Variants in MACF1 observed in about 807,000 individuals in gnomAD.
MACF1 encodes the protein microtubule-actin cross-linking factor 1.
Under a neutral mutation model 854.8 loss-of-function variants are expected in MACF1, and 193 were observed. That is an observed-to-expected ratio of 0.23 (90% CI 0.20 to 0.25). The LOEUF (loss-of-function observed/expected upper bound fraction) is 0.25. MACF1 is among the 10% of genes least tolerant of loss of function. The probability of loss-of-function intolerance (pLI) is 1.00; values close to 1 mark genes in which losing one functional copy is unlikely to be tolerated. For synonymous variants in MACF1, 3,185 were observed against 3,226.7 expected (o/e 0.99, Z 0.44); for missense variants, 7,722 against 8,929.1 (o/e 0.86, Z 5.45).
intron 98 of MACF1, 165 bp downstream of exon 98, chr1:39,480,174 C>T (rs1021567762): frequency 4.2e-6 from 2 of 476,084 alleles, no homozygotes; most frequent in African/African-American, 1.9e-5. Flanking sequence ...CAAGACTGCC[C>T]TGTTCCTAGC....
At chr1:39,186,230 G>A (rs867835855) in intron 2 of MACF1, among the ~76,000 whole-genome samples, 26 of 129,096 alleles carry the variant, frequency 2.0e-4, no homozygotes, top group African/African-American at 6.2e-4. Context: ...GTGTGTGTGT[G>A]TGTGTGTGTG....
chr1:39,376,377 T>G (rs1330834684), intron 52 of MACF1, among the ~76,000 whole-genome samples: 3 of 152,256 alleles, frequency 2.0e-5, no homozygotes, highest in Non-Finnish European at 4.4e-5. Context: ...TGAAAAACCA[T>G]GTATATTTCA....
chr1:39,287,174 T>C (rs937504568), intron 14 of MACF1, 112 bp from the exon 15 acceptor site: 1 of 1,176,020 alleles, frequency 8.5e-7, no homozygotes, highest in Non-Finnish European at 1.2e-6. Context: ...TTGTCTAGGC[T>C]GGCTCATTTT....
intron 2 of MACF1, among the ~76,000 whole-genome samples, chr1:39,146,559 C>G (rs902391566): frequency 2.0e-5 from 3 of 151,754 alleles, no homozygotes; most frequent in African/African-American, 7.3e-5. Flanking sequence ...ATGGATGGAA[C>G]TGGAGGACAT....
intron 44 of MACF1, among the ~76,000 whole-genome samples, chr1:39,354,329 G>A (rs1319034587): frequency 1.3e-5 from 2 of 152,088 alleles, no homozygotes; most frequent in African/African-American, 4.8e-5. Context: ...CCTCTAGGAA[G>A]CCCTTAATTC....
chr1:39,210,902 T>G (rs1347359770), intron 1 of MACF1, among the ~76,000 whole-genome samples: 1 of 151,162 alleles, frequency 6.6e-6, no homozygotes, highest in East Asian at 1.9e-4. Flanking sequence ...TGTTTTGACT[T>G]AGTTGTTTTC....
chr1:39,154,018 T>C (rs1643633919), intron 2 of MACF1: 1 of 152,200 alleles, frequency 6.6e-6, no homozygotes. Flanking sequence ...GGGATAATAG[T>C]AGCAACTGGT....
Position 39,361,579 on chromosome 1 carries a change from T to C in MACF1, c.12673T>C (p.Ser4225Pro), listed in dbSNP as rs1016865016. 5 of 1,614,184 alleles carry C rather than the reference T, an allele frequency of 3.1e-6. No homozygotes were observed. Among genetic ancestry groups the C allele is most frequent in the Non-Finnish European group, 4.2e-6 (5 of 1,180,036 alleles). ...CCAGGCAGAGATGTTTGAACACCTCTCTGGTAAGCTGCAGCAGTTCATGGA... is the reference window on the plus strand; with the variant it reads ...CCAGGCAGAGATGTTTGAACACCTCCCTGGTAAGCTGCAGCAGTTCATGGA... The part of the protein sequence containing the change: ...LPQAEMFEHL[S>P]GKLQQFMENK... The change falls in exon 49 of 101, where the codon TCT becomes CCT. Residue 4225 changes from serine to proline, a missense_variant. Physicochemically the swap from Ser to Pro is moderately conservative, Grantham distance 74. This residue lies in a region of MACF1 where 2,807 missense variants were observed against 3,235.8 expected (regional missense o/e 0.87). Transcript: ENST00000564288.
rs748805543 is a variant in MACF1, at chr1:39,412,204, A to G, written c.15817-10170A>G. On this transcript the variant is annotated intron_variant, in intron 58 of 100. Coordinates refer to ENST00000564288, the MANE Select transcript of MACF1 (RefSeq NM_001394062.1). ...AACTGAGGGGAATGGTGAGGAGTGC[A>G]TTGAGAGGGTCACCTTCAGTTTTGC... is the stretch of plus-strand genomic sequence containing the variant. 2.5e-6 allele frequency: 4 copies of G among 1,613,868 alleles called. No homozygotes were observed. In the East Asian group the frequency reaches 6.7e-5, roughly 27 times the overall value.
chr1:39,226,590 C>T (rs1644719215), intron 1 of MACF1, among the ~76,000 whole-genome samples: 1 of 152,112 alleles, frequency 6.6e-6, no homozygotes, highest in South Asian at 2.1e-4. Context: ...CCACCCGCCT[C>T]AGCCTCCCAA....
chr1:39,162,498 G>GTTTTGT (rs911902038), intron 2 of MACF1, among the ~76,000 whole-genome samples: 1 of 152,000 alleles, frequency 6.6e-6, no homozygotes, highest in African/African-American at 2.4e-5. Context: ...CCTTCCGTAA[G>GTTTTGT]TTTTGTTTTT....
intron 80 of MACF1, 28 bp from the exon 81 acceptor site, chr1:39,447,403 TG>T (rs762068624): frequency 1.3e-6 from 2 of 1,551,384 alleles, no homozygotes; most frequent in Non-Finnish European, 1.8e-6. Context: ...TTTTTCTTTC[TG>T]TGTGTGTGTG....
At chr1:39,474,340 G>A (rs1644834632) in intron 97 of MACF1, among the ~76,000 whole-genome samples, 1 of 152,058 alleles carries the variant, frequency 6.6e-6, no homozygotes, top group African/African-American at 2.4e-5. Flanking sequence ...AGTGAGCCGA[G>A]ACTATGCCAC....
intron 61 of MACF1, 114 bp downstream of exon 61, chr1:39,424,308 G>T: frequency 1.2e-6 from 1 of 814,888 alleles, no homozygotes; most frequent in Non-Finnish European, 1.9e-6. Flanking sequence ...GGTGTTTAAT[G>T]GCTTTTATTT....
At chr1:39,096,175 C>A (rs1481556153) in intron 2 of MACF1, among the ~76,000 whole-genome samples, 1 of 130,594 alleles carries the variant, frequency 7.7e-6, no homozygotes, top group Non-Finnish European at 1.7e-5. Flanking sequence ...CACAGTGAGA[C>A]CCTGTCTCAA....
At chr1:39,197,922 G>A (rs1461458361) in intron 2 of MACF1, among the ~76,000 whole-genome samples, 2 of 152,198 alleles carry the variant, frequency 1.3e-5, no homozygotes, top group African/African-American at 4.8e-5. Flanking sequence ...CAGATGCCAA[G>A]TGGAGTGGCT....
At chr1:39,391,993 G>A (rs1183344844) in intron 58 of MACF1, among the ~76,000 whole-genome samples, 1 of 152,206 alleles carries the variant, frequency 6.6e-6, no homozygotes, top group Admixed American at 6.5e-5. Context: ...GGAGAAGGGT[G>A]GTGGAGTGTC....
chr1:39,138,944 C>A (rs763084132), intron 2 of MACF1, among the ~76,000 whole-genome samples: 1 of 152,140 alleles, frequency 6.6e-6, no homozygotes, highest in African/African-American at 2.4e-5. Context: ...GGATTACAGG[C>A]GTAAGCCACC....
intron 44 of MACF1, among the ~76,000 whole-genome samples, chr1:39,355,160 A>G (rs1270285801): frequency 6.6e-6 from 1 of 152,198 alleles, no homozygotes; most frequent in Non-Finnish European, 1.5e-5. Context: ...TGCCTCTTGC[A>G]TGACGCTTTT....
Sources: gnomAD v4.1 joint callset for allele counts (sites outside exome capture counted in the v4.1 genomes callset) on GRCh38, gnomAD v4.1.1 for gene constraint, gnomAD v4.1.1 regional missense constraint, MANE v1.5 for transcripts, NCBI Gene and HGNC (gene_info 2026-07-23, HGNC 2026-07-21) for gene names.